SEC14L5: variants seen among roughly 807,000 people sequenced by gnomAD.
The protein encoded by SEC14L5 is SEC14-like protein 5.
Under a neutral mutation model 84.6 loss-of-function variants are expected in SEC14L5, and 96 were observed. The observed-to-expected ratio is 1.13, with a 90% confidence interval of 0.96 to 1.34. SEC14L5 has a LOEUF of 1.34. Ranked by LOEUF, SEC14L5 falls within the 40% of genes most tolerant of loss-of-function variation. The probability of loss-of-function intolerance (pLI) is 0.00; values close to 1 mark genes in which losing one functional copy is unlikely to be tolerated. For synonymous variants in SEC14L5, 546 were observed against 383.4 expected, an observed-to-expected ratio of 1.42 and a Z score of -4.95; for missense variants, 1,224 against 942.5, an observed-to-expected ratio of 1.30 and a Z score of -3.91.
intron 8 of SEC14L5, among the ~76,000 whole-genome samples, chr16:4,999,278 G>A (rs962077952): frequency 2.0e-5 from 3 of 152,122 alleles, no homozygotes; most frequent in African/African-American, 7.2e-5. Context: ...GTTCAATGCT[G>A]ACAGATCAGC....
At position 4,987,497 on chromosome 16, in the gene SEC14L5, T is replaced by TGGGG. The variant is rs549895041; in HGVS notation, c.64-52_64-49dup. The TGGGG allele has an allele frequency of 2.4e-4, 277 of 1,142,284 alleles. No homozygotes were observed. In the African/African-American group the frequency reaches 3.3e-3, roughly 14 times the overall value. 70.8% of individuals were successfully genotyped at this position (1,142,284 alleles called of 1,614,324 possible). A position where few individuals can be genotyped will look rare whatever the true frequency, so the allele number is the denominator to read the frequency against. On this transcript the variant is annotated intron_variant, in intron 2 of 15. Transcript: ENST00000251170. ...GACACAGCAGATAAGGAGGTCGCGC[T>TGGGG]GGGGGGGGGGGTCCCTCTGCCCCCC... is the stretch of plus-strand genomic sequence containing the variant.
intron 12 of SEC14L5, among the ~76,000 whole-genome samples, chr16:5,006,446 C>T (rs1955732993): frequency 6.6e-6 from 1 of 152,172 alleles, no homozygotes; most frequent in African/African-American, 2.4e-5. Context: ...GACCCTGGAG[C>T]TGGGACTAGC....
Position 4,987,497 on chromosome 16 carries a change from T to TGGGCGGCGGG in SEC14L5, c.64-57_64-56insCGGCGGGGGG, listed in dbSNP as rs752674745. On this transcript the variant is annotated intron_variant, in intron 2 of 15. Transcript: ENST00000251170. ...GACACAGCAGATAAGGAGGTCGCGC[T>TGGGCGGCGGG]GGGGGGGGGGGTCCCTCTGCCCCCC... 1.2e-5 allele frequency: 14 copies of TGGGCGGCGGG among 1,142,498 alleles called. No individual in the cohort carries two copies. The African/African-American group carries it at 2.6e-4, about 21-fold the overall frequency. The allele number at this position is 1,142,498 out of a possible 1,614,324, so 70.8% of individuals were successfully genotyped here.
intron 2 of SEC14L5, among the ~76,000 whole-genome samples, chr16:4,974,201 A>G (rs1466644938): frequency 6.6e-6 from 1 of 152,100 alleles, no homozygotes; most frequent in Non-Finnish European, 1.5e-5. Flanking sequence ...ACTGAATGAA[A>G]CACACTGGAC....
chr16:4,987,128 A>G (rs972717836), intron 2 of SEC14L5, among the ~76,000 whole-genome samples: 13 of 150,956 alleles, frequency 8.6e-5, no homozygotes, highest in Admixed American at 2.0e-4. Flanking sequence ...TTCACCAGGG[A>G]TGTTAACTGT....
Position 5,017,526 on chromosome 16 carries a change from T to G in SEC14L5, c.*2556T>G, listed in dbSNP as rs938224257. 6 of 152,188 alleles carry G rather than the reference T, an allele frequency of 3.9e-5. No homozygotes were observed. The highest frequency in any genetic ancestry group is 1.4e-4 in the African/African-American group (6 of 41,426). 9.4% of individuals were successfully genotyped at this position (152,188 alleles called of 1,614,324 possible). A position where few individuals can be genotyped will look rare whatever the true frequency, so the allele number is the denominator to read the frequency against. Reference sequence around the variant, plus strand: ...AAGCCTATAATTTCAGGATTCACACTCTAAGAGATGCTTTTCCATCTCAAA... The same window carrying G: ...AAGCCTATAATTTCAGGATTCACACGCTAAGAGATGCTTTTCCATCTCAAA... On this transcript the variant is annotated 3_prime_UTR_variant, in exon 16 of 16. Coordinates refer to ENST00000251170, the MANE Select transcript of SEC14L5 (RefSeq NM_014692.2).
chr16:4,987,498 G>GA (rs1555529516), intron 2 of SEC14L5, 59 bp from the exon 3 acceptor site: 52 of 667,946 alleles, frequency 7.8e-5, no homozygotes, highest in Non-Finnish European at 9.6e-5. Flanking sequence ...AGGTCGCGCT[G>GA]GGGGGGGGGG....
intron 4 of SEC14L5, among the ~76,000 whole-genome samples, chr16:4,989,187 C>T (rs1303771085): frequency 2.0e-5 from 3 of 152,190 alleles, no homozygotes; most frequent in Admixed American, 1.3e-4. Context: ...TGCTGAGTGA[C>T]GTTGGGCCAC....
intron 2 of SEC14L5, among the ~76,000 whole-genome samples, chr16:4,965,223 C>T (rs1013133302): frequency 1.3e-5 from 2 of 152,124 alleles, no homozygotes; most frequent in Admixed American, 6.6e-5. Context: ...AAATACTTCA[C>T]TGTGTATGAA....
rs898075085 is a variant in SEC14L5, at chr16:5,011,282, G to C, written c.1979+9G>C. 1.2e-6 allele frequency: 2 copies of C among 1,608,572 alleles called. No individual in the cohort carries two copies. The highest frequency in any genetic ancestry group is 1.7e-6 in the Non-Finnish European group (2 of 1,175,766). Reference sequence around the variant, plus strand: ...GCCTCTGAGGACTTCAGGTAGGAGGGCTCCGGAGCGGGGTCCTGGGCAGGA... The same window carrying C: ...GCCTCTGAGGACTTCAGGTAGGAGGCCTCCGGAGCGGGGTCCTGGGCAGGA... On this transcript the variant is annotated intron_variant, in intron 15 of 15. Coordinates refer to ENST00000251170, the MANE Select transcript of SEC14L5 (RefSeq NM_014692.2).
chr16:4,967,360 A>G (rs1016832457), intron 2 of SEC14L5, among the ~76,000 whole-genome samples: 4 of 152,006 alleles, frequency 2.6e-5, no homozygotes, highest in African/African-American at 9.7e-5. Context: ...GGACACTCCA[A>G]TGGCCTCGCT....
rs553366952 is a variant in SEC14L5 at position 4,981,433 on chromosome 16, A to G, written c.64-6124A>G. On this transcript the variant is annotated intron_variant, in intron 2 of 15. Coordinates refer to ENST00000251170, the MANE Select transcript of SEC14L5 (RefSeq NM_014692.2). ...GGTCTCGTCAAGGCCTGTTCTGTGT[A>G]TATCCTCCCCCGAAATCATTTCGTT... Among the ~76,000 whole-genome samples, 77 of 152,026 alleles carry G rather than the reference A, an allele frequency of 5.1e-4. 1 individual carries two copies. The Middle Eastern group carries it at 0.027, about 54-fold the overall frequency.
chr16:4,996,938 C>G lies in SEC14L5; in HGVS notation c.864C>G (p.Ser288=), dbSNP rs1955618543. ...LDKAREMLRQ[S]LSWRKQHQVD... ...AGGCCCGGGAAATGCTGCGCCAGTC[C>G]TTGAGCTGGCGCAAGCAGCACCAGG... The change falls in exon 8 of 16, where the codon TCC becomes TCG. Residue 288 remains serine (S), a synonymous_variant. Transcript: ENST00000251170. The G allele has an allele frequency of 1.9e-6, 3 of 1,613,688 alleles. No homozygotes were observed. Among genetic ancestry groups the G allele is most frequent in the African/African-American group, 1.3e-5 (1 of 75,030 alleles).
intron 2 of SEC14L5, among the ~76,000 whole-genome samples, chr16:4,980,983 C>G (rs1224848942): frequency 6.6e-6 from 1 of 152,006 alleles, no homozygotes; most frequent in Non-Finnish European, 1.5e-5. Context: ...GTTCTAAACG[C>G]AGCAAAGCTG....
Position 5,005,995 on chromosome 16 carries a change from G to C in SEC14L5, c.1384G>C (p.Val462Leu), listed in dbSNP as rs1955727638. The change falls in exon 12 of 16, where the codon GTG (valine) becomes CTG (leucine). Residue 462 changes from valine (V) to leucine (L), a missense_variant. Val to Leu is a conservative substitution (Grantham distance 32). Transcript: ENST00000251170. Reference sequence around the variant, plus strand: ...CAACTACCAGGGACCCGGAGGCCTTGTGGACTATCTGGATAGAGAAGTGAT... The same window carrying C: ...CAACTACCAGGGACCCGGAGGCCTTCTGGACTATCTGGATAGAGAAGTGAT... ...GSNYQGPGGL[V>L]DYLDREVIPD... The C allele has an allele frequency of 2.5e-6, 4 of 1,613,752 alleles. No homozygotes were observed. The highest frequency in any genetic ancestry group is 2.2e-5 in the East Asian group (1 of 44,874).
rs1455020302 is a variant in SEC14L5 at position 5,011,196 on chromosome 16, C to T, written c.1902C>T (p.Val634=). The T allele has an allele frequency of 3.1e-6, 5 of 1,613,834 alleles. No homozygotes were observed. Among genetic ancestry groups the T allele is most frequent in the Non-Finnish European group, 4.2e-6 (5 of 1,179,884 alleles). ...VACSLPGVDD[V]LTALHSPGPK... ...GCAGCCTCCCGGGTGTGGACGATGTCCTGACGGCTCTGCACAGCCCCGGGC... is the reference window on the plus strand; with the variant it reads ...GCAGCCTCCCGGGTGTGGACGATGTTCTGACGGCTCTGCACAGCCCCGGGC... Residue 634 remains valine (V), a synonymous_variant, in exon 15 of 16, where the codon GTC becomes GTT. Coordinates refer to ENST00000251170, the MANE Select transcript of SEC14L5 (RefSeq NM_014692.2).
intron 4 of SEC14L5, among the ~76,000 whole-genome samples, chr16:4,989,622 C>T (rs559269051): frequency 3.3e-5 from 5 of 152,346 alleles, no homozygotes; most frequent in South Asian, 2.1e-4. Flanking sequence ...GCTGGGATTA[C>T]AGACATGAGC....
rs758985684 is a variant in SEC14L5 at position 5,011,154 on chromosome 16, C to A, written c.1860C>A (p.Pro620=). The change falls in exon 15 of 16, where the codon CCC becomes CCA. Residue 620 remains proline, a synonymous_variant. Transcript: ENST00000251170. Reference sequence around the variant, plus strand: ...TGCTCCAGTGGCAAATGCACAGCCCCCCCAGCAGCGTGGCCTGCAGCCTCC... The same window carrying A: ...TGCTCCAGTGGCAAATGCACAGCCCACCCAGCAGCGTGGCCTGCAGCCTCC... The part of the protein sequence containing the change: ...VYLLQWQMHS[P]PSSVACSLPG... 6.2e-7 allele frequency: 1 copy of A among 1,612,648 alleles called. No homozygotes were observed. Among genetic ancestry groups the A allele is most frequent in the African/African-American group, 1.3e-5 (1 of 74,894 alleles).
intron 2 of SEC14L5, among the ~76,000 whole-genome samples, chr16:4,983,850 C>G (rs191729007): frequency 4.8e-4 from 72 of 151,216 alleles, no homozygotes; most frequent in African/African-American, 1.6e-3. Context: ...GTACTCCACC[C>G]TGGGTGACAA....
Sources: allele counts gnomAD v4.1 joint callset (sites outside exome capture counted in the v4.1 genomes callset), GRCh38; gene constraint gnomAD v4.1.1; transcripts MANE v1.5; gene names NCBI Gene and HGNC (gene_info 2026-07-23, HGNC 2026-07-21).